SMOX: variants seen among roughly 807,000 people sequenced by gnomAD.
SMOX encodes spermine oxidase, also known as flavin containing amine oxidase.
Under a neutral mutation model 51.0 loss-of-function variants are expected in SMOX, and 22 were observed. That is an observed-to-expected ratio of 0.43 (90% CI 0.31 to 0.62). The LOEUF is 0.62. Ranked by LOEUF, SMOX falls within the 20% of genes least tolerant of loss-of-function variation. The pLI is 0.10. For missense variants in SMOX, 566 were observed against 777.7 expected (o/e 0.73, Z 3.24); for synonymous variants, 282 against 307.8 (o/e 0.92, Z 0.88).
chr20:4,184,372 C>T (rs1474067278), intron 6 of SMOX, among the ~76,000 whole-genome samples: 1 of 151,986 alleles, frequency 6.6e-6, no homozygotes, highest in East Asian at 1.9e-4. Context: ...TAGAGGTTAC[C>T]ATAGTAAAGT....
At chr20:4,150,311 C>A (rs573224198) in intron 1 of SMOX, among the ~76,000 whole-genome samples, 1 of 152,246 alleles carries the variant, frequency 6.6e-6, no homozygotes, top group East Asian at 1.9e-4. Flanking sequence ...GACTTCGGTC[C>A]CACCCCTTCA....
intron 6 of SMOX, chr20:4,186,794 C>T: frequency 1.3e-6 from 1 of 781,032 alleles, no homozygotes; most frequent in South Asian, 1.3e-5. Context: ...TTCCAAGTGC[C>T]CAGAACAGCC....
In SMOX at chr20:4,182,004, G is replaced by A. The variant is rs779896964; in HGVS notation, c.609+28G>A. 71 of 1,611,378 alleles carry A rather than the reference G, an allele frequency of 4.4e-5. No individual in the cohort carries two copies. Among genetic ancestry groups the A allele is most frequent in the Non-Finnish European group, 5.5e-5 (65 of 1,178,534 alleles). On this transcript the variant is annotated intron_variant, in intron 4 of 6. Transcript: ENST00000305958. This position sits in a 1 kb window ranked among gnomAD's most constrained non-coding sequence, Gnocchi z 8.4. ...ATCTTGAGGAAGACGGATTCTGGGG[G>A]CGTCTGGGTCTGAGGAGGGCTACGC... is the stretch of plus-strand genomic sequence containing the variant.
intron 1 of SMOX, among the ~76,000 whole-genome samples, chr20:4,156,062 T>C (rs1741301): frequency 0.47 from 71,388 of 152,042 alleles, 17,029 homozygotes; most frequent in Admixed American, 0.54. Context: ...CTGCGCAATC[T>C]CAAGCGTTCA....
chr20:4,178,423 C>T (rs962766174), intron 3 of SMOX, among the ~76,000 whole-genome samples: 1 of 152,092 alleles, frequency 6.6e-6, no homozygotes, highest in African/African-American at 2.4e-5. Flanking sequence ...TTTTTCTTGC[C>T]TTATTGCACT....
At chr20:4,165,694 C>G (rs1182224970) in intron 1 of SMOX, among the ~76,000 whole-genome samples, 1 of 152,088 alleles carries the variant, frequency 6.6e-6, no homozygotes, top group Non-Finnish European at 1.5e-5. Context: ...TGGCCTCTCT[C>G]AGGGTAGGGG....
At position 4,182,296 on chromosome 20, in the gene SMOX, C is replaced by T; in HGVS notation, c.817C>T (p.Pro273Ser). Residue 273 changes from proline to serine, a missense_variant, in exon 5 of 7, where the codon CCC becomes TCC. Pro to Ser is a moderately conservative substitution (Grantham distance 74). Coordinates refer to ENST00000305958, the MANE Select transcript of SMOX (RefSeq NM_175839.3). This position sits in a 1 kb window ranked among gnomAD's most constrained non-coding sequence, Gnocchi z 8.4. ...TCACTGGGACCAGGCCTCAGCCCGC[C>T]CCAGAGGCCCTGAGATTGAGCCCCG... ...CIHWDQASAR[P>S]RGPEIEPRGE... The T allele has an allele frequency of 6.2e-7, 1 of 1,606,302 alleles. No homozygotes were observed. Among genetic ancestry groups the T allele is most frequent in the East Asian group, 2.2e-5 (1 of 44,616 alleles).
chr20:4,150,136 T>A (rs1381418369), intron 1 of SMOX, among the ~76,000 whole-genome samples: 1 of 152,210 alleles, frequency 6.6e-6, no homozygotes, highest in Non-Finnish European at 1.5e-5. Context: ...ATAAGAAATA[T>A]GCCTTGGCAC....
rs2122513185 is a variant in SMOX, at chr20:4,172,175, C to T, written c.-26-2855C>T. On this transcript the variant is annotated intron_variant, in intron 1 of 6. Transcript: ENST00000305958. The surrounding 1 kb of genome is among the most constrained non-coding windows in gnomAD (Gnocchi z 7.7). Reference sequence around the variant, plus strand: ...TGAGAGCCACTGCAGCCATCCCTTTCCGTAGTGGATAGGAGACTGTGTGTG... The same window carrying T: ...TGAGAGCCACTGCAGCCATCCCTTTTCGTAGTGGATAGGAGACTGTGTGTG... Among the ~76,000 whole-genome samples, 1 of 152,378 alleles carries T rather than the reference C, an allele frequency of 6.6e-6. No homozygotes were observed. The highest frequency in any genetic ancestry group is 2.1e-4 in the South Asian group (1 of 4,828).
chr20:4,152,784 T>C (rs1306948824), intron 1 of SMOX, among the ~76,000 whole-genome samples: 1 of 152,354 alleles, frequency 6.6e-6, no homozygotes, highest in East Asian at 1.9e-4. Context: ...GTAGGTCTTA[T>C]TCCCATTTTA....
At chr20:4,161,444 T>C (rs1555813586) in intron 1 of SMOX, among the ~76,000 whole-genome samples, 1 of 152,198 alleles carries the variant, frequency 6.6e-6, no homozygotes, top group Non-Finnish European at 1.5e-5. Flanking sequence ...GGTATTTGGC[T>C]TCTGTCATTT....
chr20:4,158,268 G>A (rs1423846563), intron 1 of SMOX, among the ~76,000 whole-genome samples: 1 of 152,130 alleles, frequency 6.6e-6, no homozygotes, highest in African/African-American at 2.4e-5. Context: ...CCTCCGACCT[G>A]ACCCGAAGGC....
Position 4,187,552 on chromosome 20 carries a change from G to C in SMOX, c.*145G>C. Reference sequence around the variant, plus strand: ...GCCGCCCTGACTGCCTTCAGACCTGGCCCTGTAGCTTTTCTTTTTCTCCAG... The same window carrying C: ...GCCGCCCTGACTGCCTTCAGACCTGCCCCTGTAGCTTTTCTTTTTCTCCAG... On this transcript the variant is annotated 3_prime_UTR_variant, in exon 7 of 7. Coordinates refer to ENST00000305958, the MANE Select transcript of SMOX (RefSeq NM_175839.3). The surrounding 1 kb of genome is among the most constrained non-coding windows in gnomAD (Gnocchi z 4.8). 1 of 1,213,456 alleles carries C rather than the reference G, an allele frequency of 8.2e-7. No individual in the cohort carries two copies. Among genetic ancestry groups the C allele is most frequent in the Non-Finnish European group, 1.1e-6 (1 of 886,930 alleles). The allele number at this position is 1,213,456 out of a possible 1,614,324, so 75.2% of individuals were successfully genotyped here.
At chr20:4,168,710 C>A (rs1986684978) in intron 1 of SMOX, among the ~76,000 whole-genome samples, 1 of 151,948 alleles carries the variant, frequency 6.6e-6, no homozygotes, top group Non-Finnish European at 1.5e-5. Context: ...GCACCCGCCA[C>A]CACGCTTGGC....
At chr20:4,154,633 G>A (rs1053011260) in intron 1 of SMOX, among the ~76,000 whole-genome samples, 3 of 152,134 alleles carry the variant, frequency 2.0e-5, no homozygotes, top group African/African-American at 7.2e-5. Context: ...AAAGTGTTGG[G>A]ATTACAGGCA....
chr20:4,180,821 T>C (rs1420955088), intron 3 of SMOX, among the ~76,000 whole-genome samples: 2 of 152,186 alleles, frequency 1.3e-5, no homozygotes, highest in Non-Finnish European at 2.9e-5. Flanking sequence ...GTTGTCTGCG[T>C]TGACCTCACA....
At position 4,181,051 on chromosome 20, in the gene SMOX, C is replaced by T. The variant is rs780158546; in HGVS notation, c.436-752C>T. Among the ~76,000 whole-genome samples the T allele has an allele frequency of 3.9e-5, 6 of 152,158 alleles. No homozygotes were observed. Among genetic ancestry groups the T allele is most frequent in the East Asian group, 1.9e-4 (1 of 5,198 alleles). ...GTGGGGACTGTATATGAGACAGGCACGAGGGTCGGGCGGGCAGTCAGACCC... is the reference window on the plus strand; with the variant it reads ...GTGGGGACTGTATATGAGACAGGCATGAGGGTCGGGCGGGCAGTCAGACCC... On this transcript the variant is annotated intron_variant, in intron 3 of 6. Transcript: ENST00000305958. This position sits in a 1 kb window ranked among gnomAD's most constrained non-coding sequence, Gnocchi z 5.6.
intron 1 of SMOX, among the ~76,000 whole-genome samples, chr20:4,169,008 T>C (rs2013603): frequency 0.59 from 88,703 of 150,460 alleles, 26,394 homozygotes; most frequent in East Asian, 0.77. Context: ...AGTGCTGTGG[T>C]GCTATCATAG....
chr20:4,168,083 C>T (rs537493715), intron 1 of SMOX, among the ~76,000 whole-genome samples: 1 of 148,798 alleles, frequency 6.7e-6, no homozygotes, highest in Non-Finnish European at 1.5e-5. Flanking sequence ...CTCCCACTCC[C>T]TCTCCTCCTG....
Sources: gnomAD v4.1 joint callset for allele counts (sites outside exome capture counted in the v4.1 genomes callset) on GRCh38, gnomAD v4.1.1 for gene constraint, Gnocchi (gnomAD v3.1) non-coding constraint, MANE v1.5 for transcripts, NCBI Gene and HGNC (gene_info 2026-07-23, HGNC 2026-07-21) for gene names.